GRID2: variants seen among roughly 807,000 people sequenced by gnomAD.
GRID2 encodes the protein glutamate receptor ionotropic, delta-2.
In GRID2, 33 loss-of-function variants were observed where a neutral mutation model predicts 114.8. The ratio of observed to expected loss-of-function variants is 0.29; its 90% CI spans 0.22 to 0.38. GRID2 has a LOEUF of 0.38. Ranked by LOEUF, GRID2 falls within the 10% of genes least tolerant of loss-of-function variation. The probability of loss-of-function intolerance (pLI) is 1.00; values close to 1 mark genes in which losing one functional copy is unlikely to be tolerated. For synonymous variants in GRID2, 505 were observed against 449.9 expected (o/e 1.12, Z -1.55); for missense variants, 1,184 against 1,257.7 (o/e 0.94, Z 0.89).
intron 13 of GRID2, among the ~76,000 whole-genome samples, chr4:93,618,729 C>G (rs1198768854): frequency 6.6e-6 from 1 of 152,186 alleles, no homozygotes; most frequent in East Asian, 1.9e-4. Flanking sequence ...TTCTTCCTTG[C>G]CTTCCCTGCA....
intron 1 of GRID2, among the ~76,000 whole-genome samples, chr4:92,588,699 A>AAG (rs1728573369): frequency 6.7e-6 from 1 of 150,092 alleles, no homozygotes; most frequent in Non-Finnish European, 1.5e-5. Flanking sequence ...AAAAAAAAAA[A>AAG]AAAATTCTTC....
At chr4:93,557,046 G>A (rs1195192238) in intron 13 of GRID2, among the ~76,000 whole-genome samples, 1 of 152,192 alleles carries the variant, frequency 6.6e-6, no homozygotes, top group African/African-American at 2.4e-5. Flanking sequence ...AATGCTGAGG[G>A]ATTTTGTCAC....
At chr4:93,181,603 C>A (rs1739906108) in intron 4 of GRID2, among the ~76,000 whole-genome samples, 1 of 152,174 alleles carries the variant, frequency 6.6e-6, no homozygotes, top group South Asian at 2.1e-4. Context: ...ATGATCTTAG[C>A]TAGATCTTCT....
At chr4:93,808,794 T>G (rs1271953277) in exon 2 of GRID2, 1 of 152,078 alleles carries the variant, frequency 6.6e-6, no homozygotes, top group Non-Finnish European at 1.5e-5. Context: ...ATCATCTGGG[T>G]TCTTTCTGGC....
At chr4:93,163,388 A>ACAT (rs1320845062) in intron 4 of GRID2, among the ~76,000 whole-genome samples, 11 of 46,156 alleles carry the variant, frequency 2.4e-4, no homozygotes, top group African/African-American at 7.7e-4. Flanking sequence ...ATATATATAT[A>ACAT]TATATATATA....
At chr4:92,911,003 T>C (rs1191003080) in intron 2 of GRID2, among the ~76,000 whole-genome samples, 7 of 152,060 alleles carry the variant, frequency 4.6e-5, no homozygotes, top group African/African-American at 1.7e-4. Context: ...GTTGATATAG[T>C]TTGAATAGAG....
intron 2 of GRID2, among the ~76,000 whole-genome samples, chr4:92,959,504 G>A (rs1389160278): frequency 6.6e-6 from 1 of 151,422 alleles, no homozygotes; most frequent in Non-Finnish European, 1.5e-5. Flanking sequence ...CCCACTGTTG[G>A]GTATAAACCC....
chr4:92,763,815 G>A (rs942594455), intron 2 of GRID2, among the ~76,000 whole-genome samples: 2 of 152,018 alleles, frequency 1.3e-5, no homozygotes, highest in Non-Finnish European at 2.9e-5. Flanking sequence ...AATCACAAAG[G>A]GCCTTGAAGG....
intron 12 of GRID2, among the ~76,000 whole-genome samples, chr4:93,511,099 G>A (rs1227287911): frequency 6.6e-6 from 1 of 151,868 alleles, no homozygotes; most frequent in Non-Finnish European, 1.5e-5. Context: ...AGCACGCCCA[G>A]CTAAGTTTTG....
intron 1 of GRID2, among the ~76,000 whole-genome samples, chr4:92,364,991 A>C (rs1431187317): frequency 6.6e-6 from 1 of 152,088 alleles, no homozygotes; most frequent in African/African-American, 2.4e-5. Context: ...CCCAGCAAAA[A>C]ATAAGCAGCA....
chr4:92,955,980 A>G (rs1397758125), intron 2 of GRID2, among the ~76,000 whole-genome samples: 1 of 152,182 alleles, frequency 6.6e-6, no homozygotes, highest in Non-Finnish European at 1.5e-5. Context: ...CGGCCTCACA[A>G]AGTGCTGGGA....
chr4:93,633,850 C>T (rs999616067), intron 14 of GRID2, among the ~76,000 whole-genome samples: 8 of 152,104 alleles, frequency 5.3e-5, no homozygotes, highest in African/African-American at 1.9e-4. Context: ...CCTTTAATAC[C>T]CCAATTGGAA....
intron 2 of GRID2, among the ~76,000 whole-genome samples, chr4:93,067,395 A>C (rs1728394219): frequency 6.6e-6 from 1 of 152,036 alleles, no homozygotes; most frequent in Non-Finnish European, 1.5e-5. Context: ...TCAAAGTGCC[A>C]GCAGATTTGG....
intron 2 of GRID2, among the ~76,000 whole-genome samples, chr4:93,059,241 A>C (rs2149290622): frequency 6.6e-6 from 1 of 152,286 alleles, no homozygotes; most frequent in South Asian, 2.1e-4. Flanking sequence ...CCAATCTGGA[A>C]GAGAAAAAGG....
chr4:93,748,256 AATGATCCATCTGAATTATATAT>A (rs1183003971), intron 14 of GRID2, among the ~76,000 whole-genome samples: 7 of 152,108 alleles, frequency 4.6e-5, no homozygotes, highest in African/African-American at 1.7e-4. Context: ...GAACCTTGCA[AATGATCCATCTGAATTATATAT>A]ATGATCCATC....
chr4:92,580,750 A>C (rs2149202320), intron 1 of GRID2, among the ~76,000 whole-genome samples: 1 of 152,070 alleles, frequency 6.6e-6, no homozygotes, highest in African/African-American at 2.4e-5. Flanking sequence ...TTTTTGTGGA[A>C]GTTGAAGGTA....
chr4:92,386,197 GAC>G (rs1336679896), intron 1 of GRID2, among the ~76,000 whole-genome samples: 1 of 151,546 alleles, frequency 6.6e-6, no homozygotes, highest in Non-Finnish European at 1.5e-5. Context: ...CTAATTAGGA[GAC>G]ACATCTATTA....
In GRID2 at chr4:93,075,883, C is replaced by CTCTTTTTTTTTTTTT; in HGVS notation, c.245-9111_245-9110insCTTTTTTTTTTTTTT. ...GTATTGGGATGTCGAAGTTACCTCT[C>CTCTTTTTTTTTTTTT]TTTTTTTTTTTTTTTTTTTTTTTTT... On this transcript the variant is annotated intron_variant, in intron 2 of 15. Transcript: ENST00000282020. Among the ~76,000 whole-genome samples, 3 of 76,606 alleles carry CTCTTTTTTTTTTTTT rather than the reference C, an allele frequency of 3.9e-5. No homozygotes were observed. The South Asian group carries it at 1.3e-3, about 33-fold the overall frequency. 50.3% of individuals were successfully genotyped at this position (76,606 alleles called of 152,430 possible).
intron 12 of GRID2, among the ~76,000 whole-genome samples, chr4:93,503,774 A>G (rs112134433): frequency 0.076 from 11,497 of 152,138 alleles, 892 homozygotes; most frequent in African/African-American, 0.2. Context: ...CTTCAGGCAT[A>G]AACTTTTATA....
Sources: allele counts gnomAD v4.1 joint callset (sites outside exome capture counted in the v4.1 genomes callset), GRCh38; gene constraint gnomAD v4.1.1; transcripts MANE v1.5; gene names NCBI Gene and HGNC (gene_info 2026-07-23, HGNC 2026-07-21).